KRT80: variants seen among roughly 807,000 people sequenced by gnomAD.
KRT80 encodes keratin, type II cytoskeletal 80.
A neutral mutation model predicts 51.5 loss-of-function variants in KRT80; 36 were observed. The observed-to-expected ratio is 0.70, with a 90% confidence interval of 0.54 to 0.92. KRT80 has a LOEUF of 0.92. Among genes scored for constraint, KRT80 ranks in the 40% least tolerant of loss-of-function variants. The probability of loss-of-function intolerance (pLI) is 0.00; values close to 1 mark genes in which losing one functional copy is unlikely to be tolerated. For synonymous variants in KRT80, 235 were observed against 248.3 expected (o/e 0.95, Z 0.50); for missense variants, 566 against 591.7 (o/e 0.96, Z 0.45).
chr12:52,191,197 G>A (rs1334850766), intron 1 of KRT80, among the ~76,000 whole-genome samples: 1 of 152,206 alleles, frequency 6.6e-6, no homozygotes, highest in Non-Finnish European at 1.5e-5. Flanking sequence ...ATAAACAGGA[G>A]CGTGGTGCCT....
In KRT80 at chr12:52,191,951, C is replaced by G; in HGVS notation, c.-49G>C. On this transcript the variant is annotated 5_prime_UTR_variant, in exon 1 of 9. Coordinates refer to ENST00000394815, the MANE Select transcript of KRT80 (RefSeq NM_182507.3). ...GGGCCCAGGGGGGTGAGCGAGTGAG[C>G]CTGGGGTTGCGTCGGGTGGCAGGCT... 7.0e-7 allele frequency: 1 copy of G among 1,421,962 alleles called. No homozygotes were observed. The highest frequency in any genetic ancestry group is 1.4e-5 in the African/African-American group (1 of 69,404). The allele number at this position is 1,421,962 out of a possible 1,614,324, so 88.1% of individuals were successfully genotyped here.
chr12:52,188,013 G>A (rs1351576310), intron 1 of KRT80, among the ~76,000 whole-genome samples: 1 of 152,096 alleles, frequency 6.6e-6, no homozygotes, highest in Non-Finnish European at 1.5e-5. Context: ...AGGCATCTGT[G>A]GTCTTAGGGG....
chr12:52,183,217 C>T (rs535388450), intron 2 of KRT80, among the ~76,000 whole-genome samples: 97 of 152,294 alleles, frequency 6.4e-4, no homozygotes, highest in Middle Eastern at 3.4e-3. Context: ...TCAAAGCCTT[C>T]GGAAGTCTCC....
rs142025898 is a variant in KRT80 at position 52,175,794 on chromosome 12, C to T, written c.667-2030G>A. ...TCTGGGCAAAAGCAGGCTGATGGCCCAACCCGTGTCAGAATAAGATTGATT... is the reference window on the plus strand; with the variant it reads ...TCTGGGCAAAAGCAGGCTGATGGCCTAACCCGTGTCAGAATAAGATTGATT... On this transcript the variant is annotated intron_variant, in intron 4 of 8. Transcript: ENST00000394815. Among the ~76,000 whole-genome samples, 282 of 152,254 alleles carry T rather than the reference C, an allele frequency of 1.9e-3. 2 individuals are homozygous for T. Among genetic ancestry groups the T allele is most frequent in the African/African-American group, 6.0e-3 (250 of 41,540 alleles).
chr12:52,191,497 G>T (rs1490718696), intron 1 of KRT80, 106 bp downstream of exon 1: 3 of 1,126,484 alleles, frequency 2.7e-6, no homozygotes, highest in Non-Finnish European at 3.8e-6. Flanking sequence ...CCATTGGCTG[G>T]GTGCAGGGGT....
Position 52,173,066 on chromosome 12 carries a change from C to A in KRT80, c.929G>T (p.Arg310Leu). 3 of 1,612,668 alleles carry A rather than the reference C, an allele frequency of 1.9e-6. No homozygotes were observed. The highest frequency in any genetic ancestry group is 2.5e-6 in the Non-Finnish European group (3 of 1,178,916). The change falls in exon 6 of 9, where the codon CGG (arginine) becomes CTG (leucine). Residue 310 changes from arginine to leucine, a missense_variant. Coordinates refer to ENST00000394815, the MANE Select transcript of KRT80 (RefSeq NM_182507.3). ...ADLNVRIQKL[R>L]SQILSVKSHC... Reference sequence around the variant, plus strand: ...GCTCTTGACAGAGAGGATCTGGGACCGCAGCTTCTGGATGCGCACATTGAG... The same window carrying A: ...GCTCTTGACAGAGAGGATCTGGGACAGCAGCTTCTGGATGCGCACATTGAG...
Position 52,172,231 on chromosome 12 carries a change from G to C in KRT80, c.1145C>G (p.Thr382Ser). ...VKLALDIEIA[T>S]YRKLVEGEEG... is the part of the protein sequence containing the mutation. The stretch of plus-strand genomic sequence containing the variant: ...CTCGCCCTCCACCAGCTTCCTGTAG[G>C]TGGCGATCTCGATGTCCAGGGCCAG... The change falls in exon 7 of 9, where the codon ACC becomes AGC. Residue 382 changes from threonine (T) to serine (S), a missense_variant. Coordinates refer to ENST00000394815, the MANE Select transcript of KRT80 (RefSeq NM_182507.3). The C allele has an allele frequency of 6.2e-7, 1 of 1,613,936 alleles. No individual in the cohort carries two copies.
chr12:52,187,776 G>A (rs1941427992), intron 1 of KRT80, among the ~76,000 whole-genome samples: 2 of 152,134 alleles, frequency 1.3e-5, no homozygotes, highest in South Asian at 4.1e-4. Context: ...GCGTTGGGGG[G>A]GCAGGTATCT....
chr12:52,172,991 C>T (rs749777260), intron 6 of KRT80, 47 bp downstream of exon 6: 1 of 1,579,496 alleles, frequency 6.3e-7, no homozygotes, highest in Non-Finnish European at 8.6e-7. Context: ...GACTGTGTGT[C>T]TCCCTGCTCT....
chr12:52,191,935 G>A lies in KRT80; in HGVS notation c.-33C>T, dbSNP rs777477365. On this transcript the variant is annotated 5_prime_UTR_variant, in exon 1 of 9. Coordinates refer to ENST00000394815, the MANE Select transcript of KRT80 (RefSeq NM_182507.3). ...CCGGCCGGAAGCAGGAGGGCCCAGG[G>A]GGGTGAGCGAGTGAGCCTGGGGTTG... 131 of 1,439,590 alleles carry A rather than the reference G, an allele frequency of 9.1e-5. No individual in the cohort carries two copies. The highest frequency in any genetic ancestry group is 1.1e-4 in the Non-Finnish European group (125 of 1,097,224). The allele number at this position is 1,439,590 out of a possible 1,614,324, so 89.2% of individuals were successfully genotyped here.
rs774237997 is a variant in KRT80 at position 52,173,139 on chromosome 12, C to T, written c.856G>A (p.Ala286Thr). The change falls in exon 6 of 9, where the codon GCC becomes ACC. Residue 286 changes from alanine (A) to threonine (T), a missense_variant. Transcript: ENST00000394815. ...CTCTGGAGGCTGCTCCCATACTCGG[C>T]CGAGCGGGCGGCCTGCTCCTCCAGC... ...SQLEEQAARS[A>T]EYGSSLQSSR... The T allele has an allele frequency of 8.7e-6, 14 of 1,610,962 alleles. No homozygotes were observed. Among genetic ancestry groups the T allele is most frequent in the South Asian group, 5.5e-5 (5 of 90,702 alleles).
chr12:52,188,108 T>G (rs748988887), intron 1 of KRT80, among the ~76,000 whole-genome samples: 1 of 152,050 alleles, frequency 6.6e-6, no homozygotes, highest in Admixed American at 6.5e-5. Context: ...CATTCCCCAC[T>G]TGGGACCTTC....
At chr12:52,181,292 TC>T (rs1365388896) in intron 2 of KRT80, among the ~76,000 whole-genome samples, 7 of 152,130 alleles carry the variant, frequency 4.6e-5, no homozygotes, top group Admixed American at 2.0e-4. Flanking sequence ...TGGCACTTTA[TC>T]CCCTCATCTT....
At chr12:52,173,005 C>T in intron 6 of KRT80, 33 bp downstream of exon 6, 3 of 1,590,946 alleles carry the variant, frequency 1.9e-6, no homozygotes, top group Non-Finnish European at 2.6e-6. Flanking sequence ...CTGCTCTCCT[C>T]CCCGCCCCCA....
chr12:52,185,088 GGGTTATGATGATGCCCAAGGGCCAGCA>G lies in KRT80; in HGVS notation c.509+264_509+290del, dbSNP rs1465811113. ...GACGGCTGCTCGAGGCAGGGGGTGC[GGGTTATGATGATGCCCAAGGGCCAGCA>G]GGCACAGGGTTTAGCTGGGAGCCAG... On this transcript the variant is annotated intron_variant, in intron 2 of 8. Transcript: ENST00000394815. Among the ~76,000 whole-genome samples the G allele has an allele frequency of 2.0e-5, 3 of 152,320 alleles. No individual in the cohort carries two copies. The East Asian group carries it at 5.8e-4, about 29-fold the overall frequency.
chr12:52,172,919 A>C, intron 6 of KRT80, 119 bp downstream of exon 6: 1 of 1,213,258 alleles, frequency 8.2e-7, no homozygotes, highest in Non-Finnish European at 1.1e-6. Flanking sequence ...ACTGAGGCAC[A>C]GAGGCGCTAA....
chr12:52,173,835 AC>A lies in KRT80; in HGVS notation c.667-72del. ...CAAGGACCCTCAGCCCCACACAGTC[AC>A]TTTGTCCCCGGGGTGAGCGGAGAGT... On this transcript the variant is annotated intron_variant, in intron 4 of 8. Transcript: ENST00000394815. 22 of 1,495,946 alleles carry A rather than the reference AC, an allele frequency of 1.5e-5. No individual in the cohort carries two copies. The South Asian group carries it at 2.3e-4, about 16-fold the overall frequency. 92.7% of individuals were successfully genotyped at this position (1,495,946 alleles called of 1,614,324 possible). A position where few individuals can be genotyped will look rare whatever the true frequency, so the allele number is the denominator to read the frequency against.
At chr12:52,174,449 G>T (rs569374619) in intron 4 of KRT80, among the ~76,000 whole-genome samples, 5 of 152,330 alleles carry the variant, frequency 3.3e-5, no homozygotes, top group Middle Eastern at 3.4e-3. Context: ...GAGACTCAGC[G>T]CCCACTCCCT....
Position 52,180,975 on chromosome 12 carries a change from A to T in KRT80, c.510-12T>A. On this transcript the variant is annotated splice_polypyrimidine_tract_variant and intron_variant, in intron 2 of 8. Coordinates refer to ENST00000394815, the MANE Select transcript of KRT80 (RefSeq NM_182507.3). ...TCTCATCCTCATACCTGGGAGGGAG[A>T]GAGGGGTTGCTCAGCTGGATATGGT... The T allele has an allele frequency of 6.6e-7, 1 of 1,518,864 alleles. No homozygotes were observed. The highest frequency in any genetic ancestry group is 1.4e-5 in the African/African-American group (1 of 71,788). 94.1% of individuals were successfully genotyped at this position (1,518,864 alleles called of 1,614,324 possible).
Sources: gnomAD v4.1 joint callset for allele counts (sites outside exome capture counted in the v4.1 genomes callset) on GRCh38, gnomAD v4.1.1 for gene constraint, MANE v1.5 for transcripts, NCBI Gene and HGNC (gene_info 2026-07-23, HGNC 2026-07-21) for gene names.